Variants in NEK5 observed in about 807,000 individuals in gnomAD.
The protein encoded by NEK5 is NIMA related kinase 5.
NEK5 carries 88 observed loss-of-function variants against 109.2 expected under a neutral mutation model. The observed-to-expected ratio is 0.81, with a 90% CI of 0.68 to 0.96. The LOEUF (loss-of-function observed/expected upper bound fraction) is 0.96. Ranked by LOEUF, NEK5 falls within the 40% of genes least tolerant of loss-of-function variation. The probability of loss-of-function intolerance (pLI) is 0.00; values close to 1 mark genes in which losing one functional copy is unlikely to be tolerated. For synonymous variants in NEK5, 283 were observed against 299.9 expected (o/e 0.94, Z 0.58); for missense variants, 834 against 920.7 (o/e 0.91, Z 1.22).
At chr13:52,066,352 A>G (rs1369310376) in intron 20 of NEK5, among the ~76,000 whole-genome samples, 1 of 152,162 alleles carries the variant, frequency 6.6e-6, no homozygotes, top group Non-Finnish European at 1.5e-5. Flanking sequence ...GTGGACATTT[A>G]TGATTATTTA....
intron 21 of NEK5, among the ~76,000 whole-genome samples, chr13:52,062,885 T>G (rs1289308600): frequency 2.6e-5 from 4 of 152,188 alleles, no homozygotes; most frequent in Non-Finnish European, 4.4e-5. Flanking sequence ...CGAAATCTTG[T>G]AGAGATAGCT....
chr13:52,051,657 T>C (rs891306652), intron 22 of NEK5, among the ~76,000 whole-genome samples: 6 of 152,134 alleles, frequency 3.9e-5, no homozygotes, highest in Non-Finnish European at 8.8e-5. Context: ...GCGGCTGCGG[T>C]TGTGAAAGGA....
chr13:52,075,837 G>GAAA lies in NEK5; in HGVS notation c.1654-12_1654-11insTTT. 8.3e-7 allele frequency: 1 copy of GAAA among 1,203,742 alleles called. No homozygotes were observed. Among genetic ancestry groups the GAAA allele is most frequent in the East Asian group, 2.7e-5 (1 of 36,384 alleles). The allele number at this position is 1,203,742 out of a possible 1,614,324, so 74.6% of individuals were successfully genotyped here. A position where few individuals can be genotyped will look rare whatever the true frequency, so the allele number is the denominator to read the frequency against. On this transcript the variant is annotated splice_polypyrimidine_tract_variant and intron_variant, in intron 18 of 23. Coordinates refer to ENST00000684899, the MANE Select transcript of NEK5 (RefSeq NM_001365552.1). The stretch of plus-strand genomic sequence containing the variant: ...AAATTTTACCCCCTTCTAGGAGAAA[G>GAAA]CAAAAAAAAAAAAAAAGTTTAGCAA...
intron 21 of NEK5, chr13:52,065,150 C>T: frequency 2.6e-6 from 1 of 390,874 alleles, no homozygotes; most frequent in Non-Finnish European, 4.6e-6. Flanking sequence ...AAAAAATGAC[C>T]CTATGAAATC....
At position 52,104,613 on chromosome 13, in the gene NEK5, A is replaced by G. The variant is rs555899058; in HGVS notation, c.555-61T>C. The G allele has an allele frequency of 8.9e-5, 102 of 1,149,742 alleles. No individual in the cohort carries two copies. In the African/African-American group the frequency reaches 1.5e-3, roughly 17 times the overall value. The allele number at this position is 1,149,742 out of a possible 1,614,324, so 71.2% of individuals were successfully genotyped here. On this transcript the variant is annotated intron_variant, in intron 8 of 23. Coordinates refer to ENST00000684899, the MANE Select transcript of NEK5 (RefSeq NM_001365552.1). ...TCCATAATTCTTAATAAAAGCTTTT[A>G]TCCTTACAGTGCCTTAAATTTGTGT...
At chr13:52,076,488 G>A (rs578174490) in intron 17 of NEK5, among the ~76,000 whole-genome samples, 3 of 152,234 alleles carry the variant, frequency 2.0e-5, no homozygotes, top group African/African-American at 7.2e-5. Context: ...AACTCATGAC[G>A]GTATAAAGGA....
chr13:52,085,705 A>C (rs1955128325), intron 16 of NEK5, among the ~76,000 whole-genome samples: 1 of 152,182 alleles, frequency 6.6e-6, no homozygotes, highest in African/African-American at 2.4e-5. Flanking sequence ...TGGCTATTTC[A>C]TGTGAAGCTC....
intron 23 of NEK5, among the ~76,000 whole-genome samples, chr13:52,046,969 G>C (rs921347570): frequency 3.3e-5 from 5 of 152,072 alleles, no homozygotes; most frequent in African/African-American, 1.2e-4. Context: ...CCTGAAAGAG[G>C]AAATAAAGAT....
chr13:52,098,845 T>C (rs1200809921), intron 12 of NEK5, among the ~76,000 whole-genome samples: 6 of 152,188 alleles, frequency 3.9e-5, no homozygotes, highest in Non-Finnish European at 8.8e-5. Flanking sequence ...ACCATTATAA[T>C]GCTCAGTACA....
intron 22 of NEK5, among the ~76,000 whole-genome samples, chr13:52,054,278 A>G (rs920391717): frequency 6.6e-6 from 1 of 152,204 alleles, no homozygotes; most frequent in African/African-American, 2.4e-5. Context: ...ATTTCCAAAC[A>G]TAGTTGTTAT....
chr13:52,070,453 G>C (rs1316975004), intron 20 of NEK5, among the ~76,000 whole-genome samples: 1 of 152,196 alleles, frequency 6.6e-6, no homozygotes, highest in Non-Finnish European at 1.5e-5. Context: ...AGAGGGAGGT[G>C]GTTGAATCAT....
At chr13:52,111,181 T>C (rs778794570) in intron 5 of NEK5, among the ~76,000 whole-genome samples, 4 of 152,228 alleles carry the variant, frequency 2.6e-5, no homozygotes, top group South Asian at 4.1e-4. Flanking sequence ...ATGTGTTCTA[T>C]GCCTACAGAG....
At chr13:52,097,063 G>A (rs1372918997) in intron 12 of NEK5, among the ~76,000 whole-genome samples, 1 of 152,240 alleles carries the variant, frequency 6.6e-6, no homozygotes, top group Non-Finnish European at 1.5e-5. Context: ...AATCTTGGTG[G>A]CTTCCACATG....
At chr13:52,112,423 T>A in intron 4 of NEK5, 58 bp from the exon 5 acceptor site, 1 of 1,138,330 alleles carries the variant, frequency 8.8e-7, no homozygotes, top group Non-Finnish European at 1.3e-6. Flanking sequence ...TCAGCCATGT[T>A]CTGGCTGTGG....
At chr13:52,087,182 A>G (rs992434884) in intron 15 of NEK5, among the ~76,000 whole-genome samples, 156 bp downstream of exon 15, 1 of 152,202 alleles carries the variant, frequency 6.6e-6, no homozygotes, top group Non-Finnish European at 1.5e-5. Context: ...TTATCTGAGA[A>G]AGTGAAATAC....
chr13:52,049,291 G>A (rs1954483557), intron 23 of NEK5, among the ~76,000 whole-genome samples: 1 of 152,034 alleles, frequency 6.6e-6, no homozygotes, highest in Admixed American at 6.6e-5. Flanking sequence ...GGGCATGGTG[G>A]CATGTGCCTG....
chr13:52,096,568 A>G (rs745625630), intron 12 of NEK5, among the ~76,000 whole-genome samples: 13 of 152,158 alleles, frequency 8.5e-5, no homozygotes, highest in Non-Finnish European at 1.9e-4. Flanking sequence ...GAGAGTGATG[A>G]TTTAGGGCGT....
chr13:52,044,855 T>C (rs536597907), intron 23 of NEK5, among the ~76,000 whole-genome samples: 1 of 152,242 alleles, frequency 6.6e-6, no homozygotes, highest in East Asian at 1.9e-4. Context: ...GCCTTTGGAT[T>C]CCAAAATTCT....
In NEK5 at chr13:52,071,956, A is replaced by G. The variant is rs1474497052; in HGVS notation, c.1837T>C (p.Cys613Arg). ...AAGAAACACATACCTGCTTCTGGGC[A>G]GTGAAGTTTTTCAAATGCTTTGTCT... ...YTDKAFEKLH[C>R]PEAGFSTQTV... Residue 613 changes from cysteine (C) to arginine (R), a missense_variant, in exon 20 of 24, where the codon TGC becomes CGC. Coordinates refer to ENST00000684899, the MANE Select transcript of NEK5 (RefSeq NM_001365552.1). 6.2e-7 allele frequency: 1 copy of G among 1,613,514 alleles called. No homozygotes were observed. Among genetic ancestry groups the G allele is most frequent in the East Asian group, 2.2e-5 (1 of 44,878 alleles).
Sources: gnomAD v4.1 joint callset for allele counts (sites outside exome capture counted in the v4.1 genomes callset) on GRCh38, gnomAD v4.1.1 for gene constraint, MANE v1.5 for transcripts, NCBI Gene and HGNC (gene_info 2026-07-23, HGNC 2026-07-21) for gene names.